The following KDM4C variants were observed in gnomAD, a reference collection of about 807,000 sequenced individuals.
The protein encoded by KDM4C is lysine demethylase 4C.
KDM4C carries 81 observed loss-of-function variants against 129.3 expected under a neutral mutation model. The ratio of observed to expected loss-of-function variants is 0.63; its 90% CI spans 0.52 to 0.75. The LOEUF is 0.75. Ranked by LOEUF, KDM4C falls within the 30% of genes least tolerant of loss-of-function variation. The pLI is 0.00. For missense variants in KDM4C, 1,457 were observed against 1,304.0 expected (o/e 1.12, Z -1.81); for synonymous variants, 573 against 456.1 (o/e 1.26, Z -3.26).
At chr9:6,817,195 G>GCCC (rs35527694) in intron 4 of KDM4C, among the ~76,000 whole-genome samples, 410 of 53,256 alleles carry the variant, frequency 7.7e-3, no homozygotes, top group African/African-American at 0.01. Flanking sequence ...CCCTCCCCCT[G>GCCC]CCCCCCCCCC....
intron 8 of KDM4C, among the ~76,000 whole-genome samples, chr9:6,957,671 A>G (rs1451653458): frequency 1.3e-5 from 2 of 152,116 alleles, no homozygotes. Context: ...GTTGTTTGTG[A>G]AATGGAACCA....
At chr9:6,750,715 C>G (rs943363711) in intron 1 of KDM4C, among the ~76,000 whole-genome samples, 1 of 152,214 alleles carries the variant, frequency 6.6e-6, no homozygotes, top group East Asian at 1.9e-4. Flanking sequence ...AGGGGCTCAA[C>G]AAGGTCAGAA....
chr9:7,081,232 C>T (rs1834489719), intron 17 of KDM4C, among the ~76,000 whole-genome samples: 1 of 152,110 alleles, frequency 6.6e-6, no homozygotes, highest in African/African-American at 2.4e-5. Context: ...CTTTTATGTG[C>T]CACGTAGACA....
chr9:6,866,999 GTATATATA>G (rs1180539811), intron 5 of KDM4C, among the ~76,000 whole-genome samples: 5 of 55,134 alleles, frequency 9.1e-5, no homozygotes, highest in East Asian at 0.01. Context: ...GTGTGTGTGT[GTATATATA>G]TATATATATA....
Position 6,732,183 on chromosome 9 carries a change from A to ATG in KDM4C, c.49+11186_49+11187insTG, listed in dbSNP as rs1563915342. On this transcript the variant is annotated intron_variant, in intron 1 of 17. Coordinates refer to the KDM4C transcript ENST00000536108. Reference sequence around the variant, plus strand: ...AGATTGAGACCATCCTGGCTAACACAGTGAAACCCCATCTTTACTAAAAAT... The same window carrying ATG: ...AGATTGAGACCATCCTGGCTAACACATGGTGAAACCCCATCTTTACTAAAAAT... 2.1e-4 allele frequency among the ~76,000 whole-genome samples: 31 copies of ATG among 150,766 alleles called. 1 individual carries two copies. In the South Asian group the frequency reaches 5.1e-3, roughly 25 times the overall value.
chr9:6,822,777 T>C (rs763945738), intron 4 of KDM4C, among the ~76,000 whole-genome samples: 14 of 152,312 alleles, frequency 9.2e-5, no homozygotes, highest in Non-Finnish European at 1.5e-4. Flanking sequence ...AAGATTTGGC[T>C]AAAGGACCTG....
intron 8 of KDM4C, among the ~76,000 whole-genome samples, chr9:6,927,203 C>T (rs1822788697): frequency 6.6e-6 from 1 of 152,096 alleles, no homozygotes; most frequent in South Asian, 2.1e-4. Context: ...GGTCTTGGCT[C>T]ACTGCAACCT....
Position 6,724,932 on chromosome 9 carries a change from A to T in KDM4C, c.49+3935A>T, listed in dbSNP as rs560171014. ...CTGAAAGAAGTCCAAAATGAGTTTC[A>T]CTGGGCTGAAATCAAGGTGTTGGCA... On this transcript the variant is annotated intron_variant, in intron 1 of 17. Transcript: ENST00000536108. Among the ~76,000 whole-genome samples, 23 of 152,236 alleles carry T rather than the reference A, an allele frequency of 1.5e-4. No homozygotes were observed. In the South Asian group the frequency reaches 4.1e-3, roughly 27 times the overall value.
At chr9:7,027,311 T>G (rs1441544092) in intron 15 of KDM4C, among the ~76,000 whole-genome samples, 1 of 152,238 alleles carries the variant, frequency 6.6e-6, no homozygotes, top group Non-Finnish European at 1.5e-5. Context: ...CCAAGCTCAG[T>G]AACACTGTGG....
At chr9:6,865,850 A>G (rs1447707599) in intron 5 of KDM4C, among the ~76,000 whole-genome samples, 2 of 151,848 alleles carry the variant, frequency 1.3e-5, no homozygotes, top group Non-Finnish European at 2.9e-5. Flanking sequence ...TCCCGGGTTC[A>G]CGCCATTCTC....
chr9:7,019,846 T>C (rs1309012474), intron 15 of KDM4C, among the ~76,000 whole-genome samples: 1 of 150,106 alleles, frequency 6.7e-6, no homozygotes, highest in Non-Finnish European at 1.5e-5. Context: ...ATAAATAAAT[T>C]CATACTAAAA....
At chr9:6,736,335 G>A (rs899538617) in intron 1 of KDM4C, among the ~76,000 whole-genome samples, 11 of 152,146 alleles carry the variant, frequency 7.2e-5, no homozygotes, top group Admixed American at 6.6e-4. Context: ...AGACAATGGG[G>A]AAAATGTCTT....
intron 8 of KDM4C, chr9:6,924,934 G>A (rs746751908): frequency 5.2e-5 from 51 of 984,378 alleles, no homozygotes; most frequent in Non-Finnish European, 5.9e-5. Context: ...TAATAATAAT[G>A]TGTTCTGACA....
intron 17 of KDM4C, among the ~76,000 whole-genome samples, chr9:7,049,925 G>A (rs1015621564): frequency 3.3e-5 from 5 of 152,150 alleles, no homozygotes; most frequent in East Asian, 3.9e-4. Flanking sequence ...ATTGGAGCAC[G>A]TCTTACAGGT....
intron 18 of KDM4C, chr9:7,104,366 A>C (rs1362258490): frequency 6.5e-6 from 1 of 152,998 alleles, no homozygotes; most frequent in African/African-American, 2.4e-5. Flanking sequence ...TAGGATGGCC[A>C]GGAGCTTTTG....
intron 17 of KDM4C, among the ~76,000 whole-genome samples, chr9:7,067,521 G>T (rs116052468): frequency 0.013 from 1,979 of 152,294 alleles, 41 homozygotes; most frequent in African/African-American, 0.045. Context: ...GACATACAAG[G>T]TGCAGGGCAA....
chr9:6,800,536 A>T (rs1828738756), intron 2 of KDM4C, among the ~76,000 whole-genome samples: 1 of 151,958 alleles, frequency 6.6e-6, no homozygotes. Flanking sequence ...CCCTGTCTCA[A>T]AAAAAAAGTT....
At chr9:6,844,780 CG>C (rs1423577077) in intron 4 of KDM4C, among the ~76,000 whole-genome samples, 2 of 152,078 alleles carry the variant, frequency 1.3e-5, no homozygotes, top group African/African-American at 4.8e-5. Flanking sequence ...CTCTGCCTCC[CG>C]GGTTCAAGTG....
intron 4 of KDM4C, among the ~76,000 whole-genome samples, chr9:6,826,191 G>A (rs943723537): frequency 8.0e-6 from 1 of 125,536 alleles, no homozygotes; most frequent in Non-Finnish European, 1.7e-5. Context: ...TTTTTTTTTT[G>A]CTATGCTCGT....
Sources: allele counts gnomAD v4.1 joint callset (sites outside exome capture counted in the v4.1 genomes callset), GRCh38; gene constraint gnomAD v4.1.1; transcripts MANE v1.5; gene names NCBI Gene and HGNC (gene_info 2026-07-23, HGNC 2026-07-21).